PREX2: variants seen among roughly 807,000 people sequenced by gnomAD.
PREX2 encodes phosphatidylinositol 3,4,5-trisphosphate-dependent Rac exchanger 2 protein.
Under a neutral mutation model 203.2 loss-of-function variants are expected in PREX2, and 107 were observed. The ratio of observed to expected loss-of-function variants is 0.53; its 90% CI spans 0.45 to 0.62. The LOEUF (loss-of-function observed/expected upper bound fraction) is 0.62. Among genes scored for constraint, PREX2 ranks in the 20% least tolerant of loss-of-function variants. The pLI is 0.00. For missense variants in PREX2, 1,777 were observed against 1,955.9 expected (o/e 0.91, Z 1.72); for synonymous variants, 672 against 663.6 (o/e 1.01, Z -0.19).
chr8:68,003,682 T>C (rs192262530), intron 1 of PREX2, among the ~76,000 whole-genome samples: 2 of 152,268 alleles, frequency 1.3e-5, no homozygotes, highest in East Asian at 3.9e-4. Context: ...AAAAAGTCAG[T>C]ACCATTAGCC....
chr8:68,093,157 G>A (rs1389617079), intron 20 of PREX2, among the ~76,000 whole-genome samples: 3 of 152,000 alleles, frequency 2.0e-5, no homozygotes, highest in East Asian at 1.9e-4. Flanking sequence ...TTGGGAGGCC[G>A]AGGCAGGCAG....
intron 1 of PREX2, among the ~76,000 whole-genome samples, chr8:68,016,183 A>G (rs1014912290): frequency 1.3e-5 from 2 of 152,214 alleles, no homozygotes; most frequent in East Asian, 1.9e-4. Flanking sequence ...TCAATTTCCT[A>G]TTACCTAAAA....
chr8:68,036,340 ATGTTT>A (rs1332633661), intron 6 of PREX2, among the ~76,000 whole-genome samples: 2 of 152,180 alleles, frequency 1.3e-5, no homozygotes, highest in East Asian at 3.9e-4. Flanking sequence ...AAGTCAGGAA[ATGTTT>A]TGTTAAGAAT....
At chr8:68,129,914 GT>G (rs1810969258) in intron 31 of PREX2, among the ~76,000 whole-genome samples, 1 of 149,656 alleles carries the variant, frequency 6.7e-6, no homozygotes, top group African/African-American at 2.4e-5. Context: ...CAAATTCTCT[GT>G]TTTTCTTCTT....
rs113999763 is a variant in PREX2 at position 68,038,644 on chromosome 8, C to A, written c.839+352C>A. Among the ~76,000 whole-genome samples, 705 of 152,188 alleles carry A rather than the reference C, an allele frequency of 4.6e-3. 6 individuals are homozygous for A. The highest frequency in any genetic ancestry group is 0.015 in the African/African-American group (626 of 41,530). ...AATCTTGTTTCCCAATCATTTCCCC[C>A]TCTTCCTTCAAGAATCCCAGCACAT... On this transcript the variant is annotated intron_variant, in intron 7 of 39. Coordinates refer to ENST00000288368, the MANE Select transcript of PREX2 (RefSeq NM_024870.4).
chr8:67,966,312 T>C (rs56146467), intron 1 of PREX2, among the ~76,000 whole-genome samples: 33,543 of 152,128 alleles, frequency 0.22, 4,782 homozygotes, highest in East Asian at 0.54. Context: ...TATGTTGTAC[T>C]ATATATCCTT....
intron 8 of PREX2, among the ~76,000 whole-genome samples, chr8:68,045,830 A>G (rs968421685): frequency 2.6e-5 from 4 of 152,140 alleles, no homozygotes; most frequent in South Asian, 2.1e-4. Context: ...CTAGTCGGCT[A>G]TCTTTCCATA....
chr8:68,195,662 C>T (rs564860202), intron 37 of PREX2, among the ~76,000 whole-genome samples: 21 of 152,242 alleles, frequency 1.4e-4, no homozygotes, highest in South Asian at 4.2e-4. Context: ...ACATTAAACA[C>T]GGAGGTTTAC....
chr8:68,086,506 G>C (rs1052353266), intron 18 of PREX2, among the ~76,000 whole-genome samples: 2 of 152,098 alleles, frequency 1.3e-5, no homozygotes, highest in Non-Finnish European at 2.9e-5. Context: ...TTTGTTTCTT[G>C]GGCGTCAAGG....
intron 6 of PREX2, among the ~76,000 whole-genome samples, chr8:68,031,319 A>G (rs1367883256): frequency 6.6e-6 from 1 of 152,220 alleles, no homozygotes; most frequent in East Asian, 1.9e-4. Context: ...TTCTGTCATT[A>G]CATTGCCTTA....
At chr8:68,082,802 C>G (rs1373255866) in intron 17 of PREX2, 1 of 156,280 alleles carries the variant, frequency 6.4e-6, no homozygotes, top group Non-Finnish European at 1.4e-5. Flanking sequence ...GCACTGGAGC[C>G]GCTTGAGCTA....
intron 1 of PREX2, among the ~76,000 whole-genome samples, chr8:68,001,781 G>C (rs1326853586): frequency 3.3e-5 from 5 of 152,184 alleles, no homozygotes; most frequent in African/African-American, 1.2e-4. Context: ...ATGAGATTAT[G>C]TCCTTTTCAG....
chr8:68,039,948 C>A (rs966501699), intron 7 of PREX2, among the ~76,000 whole-genome samples: 1 of 152,152 alleles, frequency 6.6e-6, no homozygotes, highest in African/African-American at 2.4e-5. Context: ...AACCAGAGCA[C>A]CTTTTATAAA....
rs955507414 is a variant in PREX2 at position 68,119,665 on chromosome 8, G to A, written c.3504+151G>A. 8.2e-5 allele frequency: 51 copies of A among 624,062 alleles called. No individual in the cohort carries two copies. The Middle Eastern group carries it at 1.1e-3, about 13-fold the overall frequency. 38.7% of individuals were successfully genotyped at this position (624,062 alleles called of 1,614,324 possible). On this transcript the variant is annotated intron_variant, in intron 28 of 39. Transcript: ENST00000288368. ...ACCTCAATTTCTGACATTTAAACTAGGAATCAACATTCCTTCAGCCAACTA... is the reference window on the plus strand; with the variant it reads ...ACCTCAATTTCTGACATTTAAACTAAGAATCAACATTCCTTCAGCCAACTA...
intron 11 of PREX2, among the ~76,000 whole-genome samples, chr8:68,062,857 C>T (rs970530654): frequency 6.6e-6 from 1 of 152,010 alleles, no homozygotes; most frequent in Non-Finnish European, 1.5e-5. Context: ...CCTTCCCTGG[C>T]CTCCAATAAA....
At chr8:68,165,427 C>T (rs1030516669) in intron 35 of PREX2, among the ~76,000 whole-genome samples, 5 of 151,990 alleles carry the variant, frequency 3.3e-5, no homozygotes, top group Non-Finnish European at 5.9e-5. Flanking sequence ...TTAAGTTTCT[C>T]TTTTTTTATC....
chr8:68,165,704 G>A (rs1490896085), intron 35 of PREX2, among the ~76,000 whole-genome samples: 1 of 151,974 alleles, frequency 6.6e-6, no homozygotes, highest in Non-Finnish European at 1.5e-5. Context: ...ATTGGAAGTA[G>A]GTCTTTAATT....
At chr8:68,164,049 ACT>A in intron 35 of PREX2, among the ~76,000 whole-genome samples, 1 of 151,848 alleles carries the variant, frequency 6.6e-6, no homozygotes, top group East Asian at 1.9e-4. Flanking sequence ...TCTGTCCATG[ACT>A]CTCTAGACTT....
At chr8:67,983,472 C>T (rs575843676) in intron 1 of PREX2, among the ~76,000 whole-genome samples, 7 of 152,132 alleles carry the variant, frequency 4.6e-5, no homozygotes, top group Non-Finnish European at 1.0e-4. Flanking sequence ...AATTGAGGTT[C>T]CTGCCTCCAT....
Sources: allele counts gnomAD v4.1 joint callset (sites outside exome capture counted in the v4.1 genomes callset), GRCh38; gene constraint gnomAD v4.1.1; transcripts MANE v1.5; gene names NCBI Gene and HGNC (gene_info 2026-07-23, HGNC 2026-07-21).